PCDHGA6: variants seen among roughly 807,000 people sequenced by gnomAD.
PCDHGA6 encodes protocadherin gamma-A6.
PCDHGA6 carries 41 observed loss-of-function variants against 60.6 expected under a neutral mutation model. That is an observed-to-expected ratio of 0.68 (90% CI 0.53 to 0.88). The LOEUF is 0.88. Among genes scored for constraint, PCDHGA6 ranks in the 40% least tolerant of loss-of-function variants. The probability of loss-of-function intolerance (pLI) is 0.00; values close to 1 mark genes in which losing one functional copy is unlikely to be tolerated. For synonymous variants in PCDHGA6, 594 were observed against 524.4 expected, an observed-to-expected ratio of 1.13 and a Z score of -1.81; for missense variants, 1,312 against 1,203.0, an observed-to-expected ratio of 1.09 and a Z score of -1.34.
At chr5:141,394,243 A>G (rs2092952699) in intron 1 of PCDHGA6, 2 of 1,613,844 alleles carry the variant, frequency 1.2e-6, no homozygotes, top group East Asian at 4.5e-5. Context: ...TTGACTGCAC[A>G]CGACCCCGAC....
rs777314784 is a variant in PCDHGA6, at chr5:141,432,669, C to A, written c.2424+56162C>A. On this transcript the variant is annotated intron_variant, in intron 1 of 3. Transcript: ENST00000517434. The surrounding 1 kb of genome is among the most constrained non-coding windows in gnomAD (Gnocchi z 6.0). ...GCGCGAGCCCTGCTGGACAGAGACG[C>A]GCTCAAGCAGAGCCTCGTAGTGGCC... 1 of 1,613,894 alleles carries A rather than the reference C, an allele frequency of 6.2e-7. No homozygotes were observed. Among genetic ancestry groups the A allele is most frequent in the Non-Finnish European group, 8.5e-7 (1 of 1,179,950 alleles).
At chr5:141,394,751 C>A in intron 1 of PCDHGA6, 3 of 1,613,428 alleles carry the variant, frequency 1.9e-6, no homozygotes, top group Non-Finnish European at 2.5e-6. Context: ...TGGTGGCCGT[C>A]CAGGACCATG....
chr5:141,413,541 GATAGAA>G (rs2095653692), intron 1 of PCDHGA6: 1 of 1,613,904 alleles, frequency 6.2e-7, no homozygotes, highest in Non-Finnish European at 8.5e-7. Flanking sequence ...AACTTTTTGG[GATAGAA>G]ATAGAAGTAA....
rs569260568 is a variant in PCDHGA6, at chr5:141,408,294, A to G, written c.2424+31787A>G. The G allele has an allele frequency of 2.0e-5, 33 of 1,613,508 alleles. No homozygotes were observed. The East Asian group carries it at 7.1e-4, about 35-fold the overall frequency. ...CCTTTGTTCTACCCCACCCTGAGTG[A>G]GCCGATCCGCTACTCGATTCCGGAG... is the stretch of plus-strand genomic sequence containing the variant. On this transcript the variant is annotated intron_variant, in intron 1 of 3. Coordinates refer to ENST00000517434, the MANE Select transcript of PCDHGA6 (RefSeq NM_018919.3).
intron 1 of PCDHGA6, chr5:141,433,086 C>A (rs747501244): frequency 1.9e-6 from 3 of 1,614,208 alleles, no homozygotes; most frequent in African/African-American, 2.7e-5. Context: ...CCCAACTATG[C>A]AGACATGCTC....
chr5:141,448,204 C>G (rs757249025), intron 1 of PCDHGA6, among the ~76,000 whole-genome samples: 28 of 152,124 alleles, frequency 1.8e-4, no homozygotes, highest in South Asian at 4.1e-4. Flanking sequence ...CAAACATTTT[C>G]TGTGTGTATG....
Position 141,374,959 on chromosome 5 carries a change from C to T in PCDHGA6, c.876C>T (p.Phe292=). ...VKITEKISQI[F]CLNVLTGEIS... ...TTACAGAAAAGATCTCACAAATTTT[C>T]TGTTTGAATGTTTTGACTGGAGAAA... The change falls in exon 1 of 4, where the codon TTC becomes TTT. Residue 292 remains phenylalanine (F), a synonymous_variant. Transcript: ENST00000517434. 1 of 1,614,014 alleles carries T rather than the reference C, an allele frequency of 6.2e-7. No homozygotes were observed. The highest frequency in any genetic ancestry group is 8.5e-7 in the Non-Finnish European group (1 of 1,179,894).
chr5:141,413,652 G>T, intron 1 of PCDHGA6: 4 of 1,613,780 alleles, frequency 2.5e-6, no homozygotes, highest in Non-Finnish European at 3.4e-6. Context: ...TTCCTCTCCC[G>T]GAAGCTATTG....
intron 1 of PCDHGA6, among the ~76,000 whole-genome samples, chr5:141,468,979 C>T (rs1394344696): frequency 6.7e-6 from 1 of 149,482 alleles, no homozygotes; most frequent in African/African-American, 2.5e-5. Flanking sequence ...CTTTTGACTT[C>T]CAAAATTATT....
intron 1 of PCDHGA6, among the ~76,000 whole-genome samples, chr5:141,405,709 C>T (rs2094708572): frequency 2.0e-5 from 3 of 152,150 alleles, no homozygotes; most frequent in African/African-American, 7.2e-5. Context: ...AATTCCTAAC[C>T]TCAAGTGATC....
intron 1 of PCDHGA6, chr5:141,394,966 GC>G (rs1294759609): frequency 1.2e-6 from 2 of 1,613,886 alleles, no homozygotes; most frequent in Non-Finnish European, 1.7e-6. Context: ...AGGCTGAGGC[GC>G]TGGCACAAGT....
At chr5:141,390,138 CTA>C (rs770679519) in intron 1 of PCDHGA6, 6 of 1,613,938 alleles carry the variant, frequency 3.7e-6, no homozygotes, top group Non-Finnish European at 5.1e-6. Flanking sequence ...TTCCTACAAT[CTA>C]TGTGTTGCAC....
intron 1 of PCDHGA6, chr5:141,430,537 A>T (rs1270804825): frequency 7.8e-6 from 3 of 385,890 alleles, no homozygotes; most frequent in African/African-American, 2.1e-5. Flanking sequence ...TAGGACTCTG[A>T]GCGCCGCTGT....
chr5:141,419,214 T>C lies in PCDHGA6; in HGVS notation c.2424+42707T>C. On this transcript the variant is annotated intron_variant, in intron 1 of 3. Coordinates refer to ENST00000517434, the MANE Select transcript of PCDHGA6 (RefSeq NM_018919.3). ...GACGTCAATGACAACGCGCCGGTTT[T>C]CGGACAGTCAGCCTACCTGGTCCAC... 1.9e-6 allele frequency: 3 copies of C among 1,613,986 alleles called. No individual in the cohort carries two copies. In the South Asian group the frequency reaches 3.3e-5, roughly 18 times the overall value.
chr5:141,375,010 T>G lies in PCDHGA6; in HGVS notation c.927T>G (p.Tyr309Ter). 1.2e-6 allele frequency: 2 copies of G among 1,614,050 alleles called. No individual in the cohort carries two copies. The highest frequency in any genetic ancestry group is 1.7e-6 in the Non-Finnish European group (2 of 1,179,902). ...TTTCAACTTCTGCAAATCTAGACTA[T>G]GAGGACTCGAGTTTTTATGAGCTGG... Reference protein sequence around the residue: ...GEISTSANLDYEDSSFYELGV... With the variant: ...GEISTSANLD The change falls in exon 1 of 4, where the codon TAT becomes TAG. Residue 309 changes from tyrosine to a stop codon, truncating the protein, a stop_gained. Transcript: ENST00000517434. LOFTEE classifies it high-confidence loss of function.
rs1289513674 is a variant in PCDHGA6 at position 141,432,063 on chromosome 5, A to T, written c.2424+55556A>T. On this transcript the variant is annotated intron_variant, in intron 1 of 3. Coordinates refer to ENST00000517434, the MANE Select transcript of PCDHGA6 (RefSeq NM_018919.3). The surrounding 1 kb of genome is among the most constrained non-coding windows in gnomAD (Gnocchi z 6.0). ...CGGGGAACCCCGCCCCTATCCACGG[A>T]AACTCATATCTCGCTGAACGTGGCA... The T allele has an allele frequency of 8.7e-6, 14 of 1,614,134 alleles. No individual in the cohort carries two copies. The highest frequency in any genetic ancestry group is 1.2e-5 in the Non-Finnish European group (14 of 1,180,028).
In PCDHGA6 at chr5:141,490,949, A is replaced by G. The variant is rs2074912; in HGVS notation, c.2425-3858A>G. On this transcript the variant is annotated intron_variant, in intron 1 of 3. Coordinates refer to ENST00000517434, the MANE Select transcript of PCDHGA6 (RefSeq NM_018919.3). The surrounding 1 kb of genome is among the most constrained non-coding windows in gnomAD (Gnocchi z 5.4). ...CCAGCTGTGCTGCACCCACGGCCAG[A>G]CTGGGAACACTCAGCCCCCCAGCGT... 0.21 allele frequency: 331,850 copies of G among 1,613,352 alleles called. 36,311 individuals carry two copies. The highest frequency in any genetic ancestry group is 0.37 in the Admixed American group (22,349 of 59,972).
At chr5:141,433,641 G>C (rs1177387884) in intron 1 of PCDHGA6, among the ~76,000 whole-genome samples, 1 of 152,104 alleles carries the variant, frequency 6.6e-6, no homozygotes, top group Admixed American at 6.5e-5. Flanking sequence ...TTTGAGACCA[G>C]CCTGACCAAC....
intron 1 of PCDHGA6, chr5:141,428,516 G>A (rs763205471): frequency 3.6e-6 from 1 of 281,256 alleles, no homozygotes; most frequent in Non-Finnish European, 7.0e-6. Context: ...TCTAGAAAAA[G>A]AAGATTTAAT....
Sources: gnomAD v4.1 joint callset for allele counts (sites outside exome capture counted in the v4.1 genomes callset) on GRCh38, gnomAD v4.1.1 for gene constraint, Gnocchi (gnomAD v3.1) non-coding constraint, MANE v1.5 for transcripts, NCBI Gene and HGNC (gene_info 2026-07-23, HGNC 2026-07-21) for gene names.